CTNNA2: variants seen among roughly 807,000 people sequenced by gnomAD.
CTNNA2 encodes the protein catenin alpha-2.
CTNNA2 carries 42 observed loss-of-function variants against 101.0 expected under a neutral mutation model. The ratio of observed to expected loss-of-function variants is 0.42; its 90% confidence interval spans 0.32 to 0.54. CTNNA2 has a LOEUF of 0.54. Among genes scored for constraint, CTNNA2 ranks in the 20% least tolerant of loss-of-function variants. The probability of loss-of-function intolerance (pLI) is 0.14; values close to 1 mark genes in which losing one functional copy is unlikely to be tolerated. For missense variants in CTNNA2, 871 were observed against 1,223.1 expected (o/e 0.71, Z 4.29); for synonymous variants, 450 against 456.4 (o/e 0.99, Z 0.18).
chr2:80,484,383 A>G (rs1043487133), intron 9 of CTNNA2, among the ~76,000 whole-genome samples: 1 of 152,198 alleles, frequency 6.6e-6, no homozygotes. Context: ...ATAAGTGAAT[A>G]TGGGCAGAAT....
In CTNNA2 at chr2:80,234,864, C is replaced by T. The variant is rs541319360; in HGVS notation, c.1057-158347C>T. On this transcript the variant is annotated intron_variant, in intron 7 of 18. Coordinates refer to ENST00000402739, the MANE Select transcript of CTNNA2 (RefSeq NM_001282597.3). ...TTGTAAATATTTTTAGTTTTGTAGG[C>T]CAGTTTCAGTCACAACTATTTAACT... Among the ~76,000 whole-genome samples the T allele has an allele frequency of 3.3e-5, 5 of 150,950 alleles. No homozygotes were observed. The East Asian group carries it at 9.7e-4, about 29-fold the overall frequency.
intron 7 of CTNNA2, among the ~76,000 whole-genome samples, chr2:80,167,183 G>A (rs549046386): frequency 5.9e-5 from 9 of 152,004 alleles, no homozygotes; most frequent in Admixed American, 1.3e-4. Flanking sequence ...CCAACCTAAC[G>A]CTGTATCTTC....
Position 79,638,677 on chromosome 2 carries a change from A to G in CTNNA2, c.-5-12875A>G, listed in dbSNP as rs187823891. Among the ~76,000 whole-genome samples, 216 of 152,348 alleles carry G rather than the reference A, an allele frequency of 1.4e-3. 3 individuals carry two copies. The highest frequency in any genetic ancestry group is 9.6e-4 in the Non-Finnish European group (65 of 68,034). On this transcript the variant is annotated intron_variant, in intron 1 of 18. Transcript: ENST00000402739. ...ACAGGAAACTGCATGAGGCAGGTCT[A>G]TTAGGCTTAAATAATTTCCCTATGA...
At position 80,615,810 on chromosome 2, in the gene CTNNA2, A is replaced by C. The variant is rs141090287; in HGVS notation, c.2431-3275A>C. ...AGAAATATGTGCCACTTTATGGCCCATGTATCTTACAAATAAGAAAGTTTC... is the reference window on the plus strand; with the variant it reads ...AGAAATATGTGCCACTTTATGGCCCCTGTATCTTACAAATAAGAAAGTTTC... On this transcript the variant is annotated intron_variant, in intron 17 of 18. Transcript: ENST00000402739. Among the ~76,000 whole-genome samples, 784 of 151,772 alleles carry C rather than the reference A, an allele frequency of 5.2e-3. 11 individuals are homozygous for C. Among genetic ancestry groups the C allele is most frequent in the African/African-American group, 0.017 (688 of 41,492 alleles).
At chr2:80,219,756 G>T (rs1384142135) in intron 7 of CTNNA2, among the ~76,000 whole-genome samples, 1 of 152,034 alleles carries the variant, frequency 6.6e-6, no homozygotes, top group African/African-American at 2.4e-5. Context: ...CCTCAATTTT[G>T]TGTCCATTAT....
At chr2:79,556,401 G>T (rs1210891086) in intron 1 of CTNNA2, among the ~76,000 whole-genome samples, 1 of 151,984 alleles carries the variant, frequency 6.6e-6, no homozygotes, top group East Asian at 1.9e-4. Flanking sequence ...TATGTGTACT[G>T]ACCCCAGCTA....
At chr2:79,341,195 C>G in intron 3 of CTNNA2, among the ~76,000 whole-genome samples, 1 of 152,052 alleles carries the variant, frequency 6.6e-6, no homozygotes. Flanking sequence ...TTTATGCCCT[C>G]TATTGAGAAA....
chr2:80,542,117 T>A lies in CTNNA2; in HGVS notation c.1291-2865T>A, dbSNP rs199526094. On this transcript the variant is annotated intron_variant, in intron 9 of 18. Transcript: ENST00000402739. Reference sequence around the variant, plus strand: ...AGCTCTAAAAGCTATAGATTCTTTTTAAAAAAAAAGTACCATTAGCATGCT... The same window carrying A: ...AGCTCTAAAAGCTATAGATTCTTTTAAAAAAAAAAGTACCATTAGCATGCT... Among the ~76,000 whole-genome samples, 121 of 135,782 alleles carry A rather than the reference T, an allele frequency of 8.9e-4. 1 individual carries two copies. Among genetic ancestry groups the A allele is most frequent in the South Asian group, 2.0e-3 (8 of 3,920 alleles). The allele number at this position is 135,782 out of a possible 152,430, so 89.1% of individuals were successfully genotyped here.
chr2:79,582,082 G>A (rs75531327), intron 1 of CTNNA2, among the ~76,000 whole-genome samples: 2,817 of 152,322 alleles, frequency 0.018, 44 homozygotes, highest in Non-Finnish European at 0.028. Context: ...AGTTAAGAAT[G>A]TGAGCCTTGT....
rs1038352550 is a variant in CTNNA2 at position 79,488,186 on chromosome 2, C to T, written c.-134-16868C>T. On this transcript the variant is annotated intron_variant, in intron 4 of 21. Transcript: ENST00000466387. ...ATACAAAATTAGCTGACCGTGGTGG[C>T]GCATGGCTGTAATCCCAGCTACTCA... is the stretch of plus-strand genomic sequence containing the variant. Among the ~76,000 whole-genome samples, 9 of 151,878 alleles carry T rather than the reference C, an allele frequency of 5.9e-5. No individual in the cohort carries two copies. In the East Asian group the frequency reaches 7.8e-4, roughly 13 times the overall value.
chr2:79,214,660 G>T (rs1388589052), intron 2 of CTNNA2, among the ~76,000 whole-genome samples: 1 of 152,014 alleles, frequency 6.6e-6, no homozygotes, highest in African/African-American at 2.4e-5. Flanking sequence ...ATGCTTGTGG[G>T]TAAGGTGGGG....
chr2:79,559,892 T>C (rs1464589638), intron 1 of CTNNA2, among the ~76,000 whole-genome samples: 2 of 151,870 alleles, frequency 1.3e-5, no homozygotes, highest in African/African-American at 4.8e-5. Flanking sequence ...ATATGTAACA[T>C]GTCATATCAT....
chr2:79,704,745 C>T (rs1350250257), intron 2 of CTNNA2, among the ~76,000 whole-genome samples: 1 of 151,980 alleles, frequency 6.6e-6, no homozygotes, highest in Non-Finnish European at 1.5e-5. Context: ...CATCTCCTGA[C>T]CTCGTCATCC....
intron 6 of CTNNA2, 135 bp from the exon 7 acceptor site, chr2:79,909,459 T>C (rs1038074043): frequency 1.6e-6 from 1 of 629,696 alleles, no homozygotes; most frequent in Non-Finnish European, 2.7e-6. Flanking sequence ...AAGGCAACTT[T>C]AGAATTTGAG....
intron 2 of CTNNA2, among the ~76,000 whole-genome samples, chr2:79,306,550 A>G (rs942000166): frequency 6.6e-6 from 1 of 152,264 alleles, no homozygotes; most frequent in Non-Finnish European, 1.5e-5. Flanking sequence ...TCCTTCTAAT[A>G]TAACACACTT....
chr2:79,198,842 C>A (rs1426835294), intron 2 of CTNNA2, among the ~76,000 whole-genome samples: 1 of 152,146 alleles, frequency 6.6e-6, no homozygotes, highest in Non-Finnish European at 1.5e-5. Flanking sequence ...AAAGCAAAAT[C>A]ATGGCTTACA....
intron 2 of CTNNA2, among the ~76,000 whole-genome samples, chr2:79,216,336 G>GAGT (rs113275732): frequency 0.21 from 31,804 of 150,466 alleles, 3,831 homozygotes; most frequent in African/African-American, 0.31. Context: ...AGAGAAAAGA[G>GAGT]AGAGACACGG....
At chr2:79,941,630 T>C (rs904319728) in intron 7 of CTNNA2, among the ~76,000 whole-genome samples, 1 of 152,142 alleles carries the variant, frequency 6.6e-6, no homozygotes, top group African/African-American at 2.4e-5. Context: ...ATTTTTTCTT[T>C]TTTCCTAAAA....
At chr2:79,882,146 TG>T (rs1683477941) in intron 6 of CTNNA2, among the ~76,000 whole-genome samples, 4 of 152,336 alleles carry the variant, frequency 2.6e-5, no homozygotes, top group Admixed American at 2.0e-4. Context: ...CAAGCTCTTC[TG>T]GCTTGTAGAG....
Sources: allele counts gnomAD v4.1 joint callset (sites outside exome capture counted in the v4.1 genomes callset), GRCh38; gene constraint gnomAD v4.1.1; transcripts MANE v1.5; gene names NCBI Gene and HGNC (gene_info 2026-07-23, HGNC 2026-07-21).